The following TRAM2 variants were observed in gnomAD, a reference collection of about 807,000 sequenced individuals.
TRAM2 encodes translocation associated membrane protein 2.
In TRAM2, 12 loss-of-function variants were observed where a neutral mutation model predicts 51.0. The observed-to-expected ratio is 0.24, with a 90% confidence interval of 0.15 to 0.38. The LOEUF (loss-of-function observed/expected upper bound fraction) is 0.38. TRAM2 is among the 10% of genes least tolerant of loss of function. TRAM2 has a pLI of 1.00. For missense variants in TRAM2, 361 were observed against 462.0 expected (o/e 0.78, Z 2.00); for synonymous variants, 175 against 179.4 (o/e 0.98, Z 0.20).
intron 4 of TRAM2, among the ~76,000 whole-genome samples, chr6:52,514,072 C>A (rs910446925): frequency 3.3e-5 from 5 of 151,964 alleles, no homozygotes; most frequent in African/African-American, 1.2e-4. Context: ...GCCAAATGTC[C>A]CCTACAGGCC....
chr6:52,505,111 T>A (rs1459550675), intron 9 of TRAM2, among the ~76,000 whole-genome samples: 1 of 152,246 alleles, frequency 6.6e-6, no homozygotes, highest in African/African-American at 2.4e-5. Context: ...ATTGGTAGCA[T>A]TCAAATGAAC....
chr6:52,531,321 T>C (rs1265360306), intron 2 of TRAM2, among the ~76,000 whole-genome samples: 6 of 152,204 alleles, frequency 3.9e-5, no homozygotes, highest in Non-Finnish European at 8.8e-5. Context: ...AAAACAAAAT[T>C]AAGCAGGCTA....
intron 1 of TRAM2, among the ~76,000 whole-genome samples, chr6:52,561,409 A>C (rs1379820139): frequency 6.6e-6 from 1 of 152,014 alleles, no homozygotes; most frequent in Non-Finnish European, 1.5e-5. Context: ...CAGCCTCCCA[A>C]GTAGCTGGTA....
chr6:52,530,700 C>T (rs1338411834), intron 2 of TRAM2, among the ~76,000 whole-genome samples: 2 of 152,082 alleles, frequency 1.3e-5, no homozygotes, highest in Non-Finnish European at 2.9e-5. Flanking sequence ...TAGATCCTTC[C>T]CAGAGCCTTC....
intron 10 of TRAM2, 127 bp from the exon 11 acceptor site, chr6:52,503,397 G>A: frequency 1.2e-6 from 1 of 828,316 alleles, no homozygotes; most frequent in South Asian, 1.4e-5. Context: ...TGCACCAAAG[G>A]GGCGCCAGGC....
intron 5 of TRAM2, among the ~76,000 whole-genome samples, chr6:52,508,821 G>A (rs1766396849): frequency 6.6e-6 from 1 of 152,118 alleles, no homozygotes. Context: ...ATCACCTGAA[G>A]TCAGGAGTTT....
At chr6:52,508,173 AAT>A in intron 6 of TRAM2, 59 bp downstream of exon 6, 1 of 1,483,474 alleles carries the variant, frequency 6.7e-7, no homozygotes, top group Non-Finnish European at 9.4e-7. Context: ...TACCCCTGGG[AAT>A]AGCAGGAGGG....
At chr6:52,576,515 G>C (rs1169191385) in intron 1 of TRAM2, among the ~76,000 whole-genome samples, 1 of 152,212 alleles carries the variant, frequency 6.6e-6, no homozygotes, top group Non-Finnish European at 1.5e-5. Context: ...TTCGAGGCCA[G>C]GCTGGGGTTT....
chr6:52,520,686 G>A (rs139682090), intron 2 of TRAM2, among the ~76,000 whole-genome samples: 2 of 152,240 alleles, frequency 1.3e-5, no homozygotes, highest in African/African-American at 2.4e-5. Context: ...GACACAGTCC[G>A]TTTCTTGGGT....
At chr6:52,545,012 C>T (rs568969522) in intron 1 of TRAM2, among the ~76,000 whole-genome samples, 3 of 152,288 alleles carry the variant, frequency 2.0e-5, no homozygotes, top group Admixed American at 6.5e-5. Context: ...CAGTTATATA[C>T]GTATAAAATC....
Position 52,576,667 on chromosome 6 carries a change from G to A in TRAM2, c.120+129C>T, listed in dbSNP as rs1581707763. On this transcript the variant is annotated intron_variant, in intron 1 of 10. Coordinates refer to ENST00000182527, the MANE Select transcript of TRAM2 (RefSeq NM_012288.4). ...GGAGGGGTACAGTGCACAAAGCCGG[G>A]GTGCAGATAACGTACACGGCAGCCA... The A allele has an allele frequency of 6.3e-6, 8 of 1,265,414 alleles. No individual in the cohort carries two copies. The East Asian group carries it at 2.1e-4, about 34-fold the overall frequency. The allele number at this position is 1,265,414 out of a possible 1,614,324, so 78.4% of individuals were successfully genotyped here. A position where few individuals can be genotyped will look rare whatever the true frequency, so the allele number is the denominator to read the frequency against.
At chr6:52,562,414 G>T (rs1300210417) in intron 1 of TRAM2, among the ~76,000 whole-genome samples, 2 of 152,164 alleles carry the variant, frequency 1.3e-5, no homozygotes, top group African/African-American at 2.4e-5. Context: ...TGTATGAGGT[G>T]CCAGAGGCAA....
intron 10 of TRAM2, among the ~76,000 whole-genome samples, chr6:52,504,081 C>T (rs542211377): frequency 9.2e-5 from 14 of 152,284 alleles, no homozygotes; most frequent in Non-Finnish European, 1.8e-4. Context: ...GACTGGAGTG[C>T]GTGCACGGGC....
intron 1 of TRAM2, among the ~76,000 whole-genome samples, chr6:52,563,357 T>C (rs554337031): frequency 8.3e-4 from 127 of 152,296 alleles, no homozygotes; most frequent in Non-Finnish European, 1.6e-3. Flanking sequence ...TAAGGATGTA[T>C]CTTATTTATA....
chr6:52,504,643 C>G lies in TRAM2; in HGVS notation c.987G>C (p.Arg329=), dbSNP rs769857391. 2 of 1,613,942 alleles carry G rather than the reference C, an allele frequency of 1.2e-6. No homozygotes were observed. Among genetic ancestry groups the G allele is most frequent in the African/African-American group, 2.7e-5 (2 of 74,948 alleles). The part of the protein sequence containing the change: ...REYWNEQSAK[R]RVPATPRLPA... Reference sequence around the variant, plus strand: ...GTAGTCTGGGTGTGGCTGGGACTCTCCGCTTTGCACTCTGCTCATTCCAGT... The same window carrying G: ...GTAGTCTGGGTGTGGCTGGGACTCTGCGCTTTGCACTCTGCTCATTCCAGT... Residue 329 remains arginine, a synonymous_variant, in exon 10 of 11, where the codon CGG becomes CGC. Coordinates refer to ENST00000182527, the MANE Select transcript of TRAM2 (RefSeq NM_012288.4).
rs1414732764 is a variant in TRAM2 at position 52,504,591 on chromosome 6, C to T, written c.1039G>A (p.Gly347Ser). 1.2e-6 allele frequency: 2 copies of T among 1,613,996 alleles called. No homozygotes were observed. The highest frequency in any genetic ancestry group is 1.7e-6 in the Non-Finnish European group (2 of 1,180,054). The change falls in exon 10 of 11, where the codon GGT becomes AGT. Residue 347 changes from glycine to serine, a missense_variant and splice_region_variant. Coordinates refer to ENST00000182527, the MANE Select transcript of TRAM2 (RefSeq NM_012288.4). Reference sequence around the variant, plus strand: ...CTCTGCCAAGGGCCCTGGCACTCACCAGATTCCCTCTTGATGAGCCTGGCT... The same window carrying T: ...CTCTGCCAAGGGCCCTGGCACTCACTAGATTCCCTCTTGATGAGCCTGGCT... ...LPARLIKRES[G>S]YHENGVVKAE... is the part of the protein sequence containing the mutation.
intron 1 of TRAM2, among the ~76,000 whole-genome samples, chr6:52,569,047 C>G (rs976255556): frequency 1.3e-4 from 20 of 152,156 alleles, no homozygotes; most frequent in African/African-American, 2.4e-5. Context: ...TCTCCTAACT[C>G]CAGCCAGGGT....
intron 4 of TRAM2, chr6:52,515,754 A>C: frequency 2.2e-6 from 1 of 457,314 alleles, no homozygotes. Flanking sequence ...TTGCATAATG[A>C]TTATAACAAG....
intron 1 of TRAM2, among the ~76,000 whole-genome samples, chr6:52,572,122 G>GGA (rs1312797551): frequency 2.6e-5 from 4 of 152,282 alleles, no homozygotes; most frequent in Admixed American, 6.5e-5. Flanking sequence ...CTCATATCAT[G>GGA]GAGACATCTG....
Sources: gnomAD v4.1 joint callset for allele counts (sites outside exome capture counted in the v4.1 genomes callset) on GRCh38, gnomAD v4.1.1 for gene constraint, MANE v1.5 for transcripts, NCBI Gene and HGNC (gene_info 2026-07-23, HGNC 2026-07-21) for gene names.